Variants in LRRTM4 observed in about 807,000 individuals in gnomAD.
The protein encoded by LRRTM4 is leucine rich repeat transmembrane neuronal 4, also known as leucine-rich repeat transmembrane neuronal protein 4.
Under a neutral mutation model 47.6 loss-of-function variants are expected in LRRTM4, and 25 were observed. The observed-to-expected ratio is 0.53, with a 90% CI of 0.38 to 0.73. LRRTM4 has a LOEUF of 0.73. Ranked by LOEUF, LRRTM4 falls within the 30% of genes least tolerant of loss-of-function variation. The pLI is 0.00. For synonymous variants in LRRTM4, 311 were observed against 269.5 expected (o/e 1.15, Z -1.51); for missense variants, 638 against 713.4 (o/e 0.89, Z 1.20).
At chr2:77,064,978 G>C (rs575959993) in intron 3 of LRRTM4, among the ~76,000 whole-genome samples, 1 of 152,164 alleles carries the variant, frequency 6.6e-6, no homozygotes, top group Non-Finnish European at 1.5e-5. Flanking sequence ...ACTCTGATAA[G>C]ACTTTTTAAT....
chr2:77,313,947 T>C (rs1677545913), intron 3 of LRRTM4, among the ~76,000 whole-genome samples: 1 of 152,224 alleles, frequency 6.6e-6, no homozygotes, highest in South Asian at 2.1e-4. Flanking sequence ...AAGTCTATGA[T>C]AAAATGAAGA....
intron 3 of LRRTM4, among the ~76,000 whole-genome samples, chr2:77,408,430 TAA>T (rs1335755313): frequency 6.6e-6 from 1 of 152,320 alleles, no homozygotes; most frequent in East Asian, 1.9e-4. Flanking sequence ...CAATTTAAAA[TAA>T]GTCATTAAAA....
At chr2:76,764,413 C>A (rs1375286331) in intron 3 of LRRTM4, among the ~76,000 whole-genome samples, 5 of 152,128 alleles carry the variant, frequency 3.3e-5, no homozygotes, top group African/African-American at 4.8e-5. Context: ...GGGCAGATCA[C>A]GTGGTCAGGA....
intron 3 of LRRTM4, among the ~76,000 whole-genome samples, chr2:77,119,700 T>C (rs1671477294): frequency 6.6e-6 from 1 of 151,814 alleles, no homozygotes; most frequent in African/African-American, 2.4e-5. Context: ...GCCAATGATA[T>C]AAGTCTGCTT....
At chr2:76,936,550 C>T (rs1036767128) in intron 3 of LRRTM4, among the ~76,000 whole-genome samples, 3 of 145,148 alleles carry the variant, frequency 2.1e-5, no homozygotes, top group South Asian at 2.2e-4. Context: ...GAAACCTGCA[C>T]GTTCTGCACA....
intron 3 of LRRTM4, among the ~76,000 whole-genome samples, chr2:77,294,919 T>C (rs1310911339): frequency 1.3e-5 from 2 of 152,164 alleles, no homozygotes; most frequent in Non-Finnish European, 2.9e-5. Flanking sequence ...ACAGTATATA[T>C]GATTTTTTCT....
At chr2:76,948,223 C>A (rs569609544) in intron 3 of LRRTM4, among the ~76,000 whole-genome samples, 1 of 151,944 alleles carries the variant, frequency 6.6e-6, no homozygotes, top group Non-Finnish European at 1.5e-5. Flanking sequence ...TTATTGTGAG[C>A]AGACAACTTT....
At chr2:76,992,811 G>A (rs1165854619) in intron 3 of LRRTM4, among the ~76,000 whole-genome samples, 2 of 140,450 alleles carry the variant, frequency 1.4e-5, no homozygotes, top group Non-Finnish European at 3.0e-5. Context: ...AACCAAGATA[G>A]CCAAAGAAAT....
intron 3 of LRRTM4, among the ~76,000 whole-genome samples, chr2:76,994,239 G>A (rs912339297): frequency 1.3e-5 from 2 of 151,550 alleles, no homozygotes; most frequent in African/African-American, 2.4e-5. Flanking sequence ...TAACAAACCT[G>A]CACATGTATC....
chr2:77,462,700 C>A (rs1676835757), intron 3 of LRRTM4, among the ~76,000 whole-genome samples: 1 of 152,074 alleles, frequency 6.6e-6, no homozygotes, highest in South Asian at 2.1e-4. Context: ...TGATGAAATA[C>A]TCCCAAGCAA....
chr2:76,936,369 T>C (rs1356726555), intron 3 of LRRTM4, among the ~76,000 whole-genome samples: 1 of 149,224 alleles, frequency 6.7e-6, no homozygotes, highest in Non-Finnish European at 1.5e-5. Context: ...TTCTCACTCA[T>C]AAGTGAGAGT....
chr2:76,895,556 A>T (rs1163089416), intron 3 of LRRTM4, among the ~76,000 whole-genome samples: 2 of 152,064 alleles, frequency 1.3e-5, no homozygotes, highest in African/African-American at 4.8e-5. Context: ...TCGCAAAAGG[A>T]AACAGCCAGA....
intron 3 of LRRTM4, among the ~76,000 whole-genome samples, chr2:76,778,898 A>T (rs1674187169): frequency 6.6e-6 from 1 of 151,780 alleles, no homozygotes; most frequent in Non-Finnish European, 1.5e-5. Flanking sequence ...GTGGGCATTT[A>T]GTGCTATAAA....
chr2:76,975,913 CTG>C (rs1276377514), intron 3 of LRRTM4, among the ~76,000 whole-genome samples: 1 of 151,766 alleles, frequency 6.6e-6, no homozygotes, highest in Non-Finnish European at 1.5e-5. Context: ...CTTCCTGTTT[CTG>C]TGTTTTTCCT....
intron 3 of LRRTM4, among the ~76,000 whole-genome samples, chr2:76,834,937 TTAA>T (rs1671466685): frequency 6.6e-6 from 1 of 152,116 alleles, no homozygotes; most frequent in African/African-American, 2.4e-5. Flanking sequence ...TCTACAAAAG[TTAA>T]TAAGAAGACA....
At chr2:77,304,766 G>T (rs76791544) in intron 3 of LRRTM4, among the ~76,000 whole-genome samples, 5,374 of 152,062 alleles carry the variant, frequency 0.035, 318 homozygotes, top group African/African-American at 0.12. Context: ...CTTAAACCAG[G>T]TGAAATTGGT....
chr2:76,807,415 T>TATATATAC (rs1670528695), intron 3 of LRRTM4, among the ~76,000 whole-genome samples: 1 of 89,508 alleles, frequency 1.1e-5, no homozygotes, highest in African/African-American at 5.0e-5. Flanking sequence ...TACGTATATA[T>TATATATAC]ATATATATAC....
chr2:76,862,070 G>T (rs550417713), intron 3 of LRRTM4, among the ~76,000 whole-genome samples: 2 of 149,896 alleles, frequency 1.3e-5, no homozygotes, highest in African/African-American at 2.5e-5. Flanking sequence ...TGCTAATTTA[G>T]GCTTTTTTTT....
chr2:77,383,140 C>A (rs1673127085), intron 3 of LRRTM4, among the ~76,000 whole-genome samples: 1 of 151,914 alleles, frequency 6.6e-6, no homozygotes, highest in South Asian at 2.1e-4. Flanking sequence ...TTTCATACTC[C>A]AAAGAAAAAT....
Sources: gnomAD v4.1 joint callset for allele counts (sites outside exome capture counted in the v4.1 genomes callset) on GRCh38, gnomAD v4.1.1 for gene constraint, MANE v1.5 for transcripts, NCBI Gene and HGNC (gene_info 2026-07-23, HGNC 2026-07-21) for gene names.